The following PRKCZ variants were observed in gnomAD, a reference collection of about 807,000 sequenced individuals.
PRKCZ encodes protein kinase C zeta type.
In PRKCZ, 33 loss-of-function variants were observed where a neutral mutation model predicts 79.5. The observed-to-expected ratio is 0.41, with a 90% CI of 0.31 to 0.55. The LOEUF is 0.55. Among genes scored for constraint, PRKCZ ranks in the 20% least tolerant of loss-of-function variants. The pLI is 0.19. For missense variants in PRKCZ, 578 were observed against 813.5 expected (o/e 0.71, Z 3.52); for synonymous variants, 342 against 320.9 (o/e 1.07, Z -0.70).
intron 10 of PRKCZ, among the ~76,000 whole-genome samples, chr1:2,161,292 G>A (rs1159973428): frequency 6.6e-6 from 1 of 152,256 alleles, no homozygotes; most frequent in Non-Finnish European, 1.5e-5. Context: ...GGAGCAGGAC[G>A]CTTGGGCCTG....
chr1:2,113,659 A>G (rs1277002731), intron 4 of PRKCZ, among the ~76,000 whole-genome samples: 1 of 152,138 alleles, frequency 6.6e-6, no homozygotes, highest in Non-Finnish European at 1.5e-5. Flanking sequence ...GTCTTTCCTC[A>G]TGATGCACGA....
Position 2,176,856 on chromosome 1 carries a change from A to C in PRKCZ, c.1575+1543A>C, listed in dbSNP as rs373858337. On this transcript the variant is annotated intron_variant, in intron 16 of 17. Coordinates refer to ENST00000378567, the MANE Select transcript of PRKCZ (RefSeq NM_002744.6). ...AGAACGTGCCCACACCCCTTCCTACATACAGCCCTTCCAGAGCCCAGCTGG... is the reference window on the plus strand; with the variant it reads ...AGAACGTGCCCACACCCCTTCCTACCTACAGCCCTTCCAGAGCCCAGCTGG... Among the ~76,000 whole-genome samples, 3 of 152,354 alleles carry C rather than the reference A, an allele frequency of 2.0e-5. No homozygotes were observed. The East Asian group carries it at 5.8e-4, about 29-fold the overall frequency.
Position 2,183,101 on chromosome 1 carries a change from G to A in PRKCZ, c.1576-1482G>A, listed in dbSNP as rs551403236. Among the ~76,000 whole-genome samples, 9 of 152,312 alleles carry A rather than the reference G, an allele frequency of 5.9e-5. No individual in the cohort carries two copies. The South Asian group carries it at 6.2e-4, about 11-fold the overall frequency. On this transcript the variant is annotated intron_variant, in intron 16 of 17. Coordinates refer to ENST00000378567, the MANE Select transcript of PRKCZ (RefSeq NM_002744.6). The stretch of plus-strand genomic sequence containing the variant: ...ACAAAATTAGCCAGGCGTGGTGGCG[G>A]GCGCCTGTACTCCCAGCTACTCAGA...
At chr1:2,160,718 G>A (rs1329444047) in intron 10 of PRKCZ, among the ~76,000 whole-genome samples, 4 of 152,270 alleles carry the variant, frequency 2.6e-5, no homozygotes, top group African/African-American at 9.6e-5. Flanking sequence ...TGGGGAGGAG[G>A]GGCCTGTCCC....
intron 4 of PRKCZ, among the ~76,000 whole-genome samples, chr1:2,097,888 G>A (rs1437291575): frequency 1.3e-5 from 2 of 152,258 alleles, no homozygotes; most frequent in Non-Finnish European, 2.9e-5. Context: ...GAGGGAGGTG[G>A]AGGTCTCATC....
chr1:2,146,647 A>G (rs921015120), intron 7 of PRKCZ, among the ~76,000 whole-genome samples: 1 of 152,302 alleles, frequency 6.6e-6, no homozygotes, highest in Admixed American at 6.5e-5. Flanking sequence ...CTTACAGCCC[A>G]GGTTTGAGCC....
intron 9 of PRKCZ, among the ~76,000 whole-genome samples, chr1:2,155,486 G>A (rs894708228): frequency 2.0e-5 from 3 of 151,784 alleles, no homozygotes; most frequent in African/African-American, 7.3e-5. Context: ...TGGTGATGAA[G>A]GTGATGGTAA....
chr1:2,093,545 G>C (rs1665891789), intron 4 of PRKCZ, among the ~76,000 whole-genome samples: 1 of 152,144 alleles, frequency 6.6e-6, no homozygotes, highest in African/African-American at 2.4e-5. Flanking sequence ...AAGCTGCTCA[G>C]CCAGTCTCCC....
At chr1:2,101,822 C>T (rs1019903888) in intron 4 of PRKCZ, among the ~76,000 whole-genome samples, 4 of 152,278 alleles carry the variant, frequency 2.6e-5, no homozygotes, top group South Asian at 4.1e-4. Context: ...GATGCGTGAT[C>T]GAGACGCACA....
chr1:2,094,934 A>G lies in PRKCZ; in HGVS notation c.334+35343A>G, dbSNP rs891802136. 1.6e-4 allele frequency among the ~76,000 whole-genome samples: 25 copies of G among 152,076 alleles called. No homozygotes were observed. Among genetic ancestry groups the G allele is most frequent in the Non-Finnish European group, 2.9e-4 (20 of 68,016 alleles). On this transcript the variant is annotated intron_variant, in intron 4 of 17. Coordinates refer to ENST00000378567, the MANE Select transcript of PRKCZ (RefSeq NM_002744.6). The surrounding 1 kb of genome is among the most constrained non-coding windows in gnomAD (Gnocchi z 7.3). The stretch of plus-strand genomic sequence containing the variant: ...AGCCCTGCCCTGGGTTCCCTGCTCC[A>G]TGCCAGTTCTCTCCCTGCCCCCGCC...
intron 4 of PRKCZ, among the ~76,000 whole-genome samples, chr1:2,083,329 AC>A (rs111548580): frequency 6.6e-6 from 1 of 151,628 alleles, no homozygotes; most frequent in Non-Finnish European, 1.5e-5. Flanking sequence ...TGGTCTCAGG[AC>A]CCCCACCACA....
At chr1:2,090,409 C>T (rs1350584783) in intron 4 of PRKCZ, among the ~76,000 whole-genome samples, 1 of 152,154 alleles carries the variant, frequency 6.6e-6, no homozygotes, top group Admixed American at 6.5e-5. Context: ...GACCGAGGGG[C>T]GTGGGCTCAG....
At chr1:2,138,376 A>G (rs941466768) in intron 5 of PRKCZ, among the ~76,000 whole-genome samples, 4 of 152,116 alleles carry the variant, frequency 2.6e-5, no homozygotes, top group African/African-American at 9.7e-5. Context: ...AGAGCCAGCG[A>G]GGTTCTGAAG....
At position 2,109,106 on chromosome 1, in the gene PRKCZ, A is replaced by G. The variant is rs770567989; in HGVS notation, c.335-26156A>G. 4.6e-5 allele frequency among the ~76,000 whole-genome samples: 7 copies of G among 151,968 alleles called. 1 individual carries two copies. The highest frequency in any genetic ancestry group is 8.8e-5 in the Non-Finnish European group (6 of 67,978). On this transcript the variant is annotated intron_variant, in intron 4 of 17. Transcript: ENST00000378567. ...CCAGATCATCCAGGAACATCTCCCC[A>G]TCCCCACGTCCTTCACTTCATCGTC...
chr1:2,070,882 A>G lies in PRKCZ; in HGVS notation c.334+11291A>G, dbSNP rs79594036. ...CTTCTGGCTGTAGTGTCTCACTTGG[A>G]GCAATGGCGGGATCCCCAGATCCAT... On this transcript the variant is annotated intron_variant, in intron 4 of 17. Transcript: ENST00000378567. Among the ~76,000 whole-genome samples the G allele has an allele frequency of 3.1e-3, 474 of 152,018 alleles. 23 individuals carry two copies. In the East Asian group the frequency reaches 0.079, roughly 25 times the overall value.
At chr1:2,054,767 G>C (rs1310225023) in intron 1 of PRKCZ, among the ~76,000 whole-genome samples, 1 of 152,050 alleles carries the variant, frequency 6.6e-6, no homozygotes, top group East Asian at 1.9e-4. Flanking sequence ...CACCGACCCG[G>C]CTCGCGCCCA....
chr1:2,094,719 C>T lies in PRKCZ; in HGVS notation c.334+35128C>T, dbSNP rs569197962. On this transcript the variant is annotated intron_variant, in intron 4 of 17. Coordinates refer to ENST00000378567, the MANE Select transcript of PRKCZ (RefSeq NM_002744.6). This position sits in a 1 kb window ranked among gnomAD's most constrained non-coding sequence, Gnocchi z 7.3. ...TGTGCCCGGCTCGTTGAACCTTGGG[C>T]GCTGCCCGTTCTGAGGCGCCCGCTG... Among the ~76,000 whole-genome samples, 4 of 151,484 alleles carry T rather than the reference C, an allele frequency of 2.6e-5. No homozygotes were observed. The highest frequency in any genetic ancestry group is 4.4e-5 in the Non-Finnish European group (3 of 67,824).
chr1:2,169,990 C>T (rs1684110699), intron 11 of PRKCZ, among the ~76,000 whole-genome samples: 1 of 152,080 alleles, frequency 6.6e-6, no homozygotes, highest in Non-Finnish European at 1.5e-5. Flanking sequence ...GTTATGGTGC[C>T]TCAGACCAGT....
rs1668106807 is a variant in PRKCZ, at chr1:2,104,847, G to A, written c.335-30415G>A. The A allele has an allele frequency of 5.1e-6, 5 of 985,602 alleles. No individual in the cohort carries two copies. In the South Asian group the frequency reaches 2.3e-4, roughly 46 times the overall value. The allele number at this position is 985,602 out of a possible 1,614,324, so 61.1% of individuals were successfully genotyped here. A position where few individuals can be genotyped will look rare whatever the true frequency, so the allele number is the denominator to read the frequency against. The stretch of plus-strand genomic sequence containing the variant: ...TCGCCGGGTGTTGCGGTGTGAGCGG[G>A]GACTGGTGAGTGTGTGCTGTCTTCA... On this transcript the variant is annotated intron_variant, in intron 4 of 17. Transcript: ENST00000378567.
Sources: allele counts gnomAD v4.1 joint callset (sites outside exome capture counted in the v4.1 genomes callset), GRCh38; gene constraint gnomAD v4.1.1; non-coding constraint Gnocchi (gnomAD v3.1); transcripts MANE v1.5; gene names NCBI Gene and HGNC (gene_info 2026-07-23, HGNC 2026-07-21).